The following TEX11 variants were observed in gnomAD, a reference collection of about 807,000 sequenced individuals.
TEX11 encodes the protein testis-expressed protein 11.
In TEX11, 7 loss-of-function variants were observed where a neutral mutation model predicts 84.4. That is an observed-to-expected ratio of 0.08 (90% CI 0.05 to 0.16). The LOEUF (loss-of-function observed/expected upper bound fraction) is 0.16, where lower values mean the gene tolerates loss of function less well. TEX11 is among the 10% of genes least tolerant of loss of function. The probability of loss-of-function intolerance (pLI) is 1.00; values close to 1 mark genes in which losing one functional copy is unlikely to be tolerated. For synonymous variants in TEX11, 264 were observed against 222.8 expected, an observed-to-expected ratio of 1.18 and a Z score of -1.64; for missense variants, 551 against 660.5, an observed-to-expected ratio of 0.83 and a Z score of 1.82.
chrX:70,783,924 T>C (rs889363192), intron 9 of TEX11, among the ~76,000 whole-genome samples: 2 of 111,802 alleles, frequency 1.8e-5, no homozygotes, highest in African/African-American at 3.3e-5. Flanking sequence ...CCATTCCTTC[T>C]GAAACTATTC....
At chrX:70,569,026 G>A (rs773372856) in intron 25 of TEX11, among the ~76,000 whole-genome samples, 92 of 111,769 alleles carry the variant, frequency 8.2e-4, no homozygotes, top group African/African-American at 2.8e-3. Context: ...CATTCTCCCC[G>A]TCACCTTCAG....
At chrX:70,710,544 A>ATT (rs79913206) in intron 13 of TEX11, among the ~76,000 whole-genome samples, 72 of 98,377 alleles carry the variant, frequency 7.3e-4, no homozygotes, top group African/African-American at 2.6e-3. Flanking sequence ...AAAAGTTCTC[A>ATT]TTTTTTTTTT....
intron 10 of TEX11, among the ~76,000 whole-genome samples, chrX:70,742,962 T>A (rs2090743476): frequency 9.0e-6 from 1 of 111,502 alleles, no homozygotes; most frequent in Non-Finnish European, 1.9e-5. Flanking sequence ...CACACTCTTG[T>A]GCAATCATTA....
intron 18 of TEX11, among the ~76,000 whole-genome samples, chrX:70,626,184 T>C (rs1603161026): frequency 9.0e-6 from 1 of 111,410 alleles, no homozygotes; most frequent in South Asian, 3.9e-4. Context: ...TTACTAACAA[T>C]TGCAATCATT....
chrX:70,805,384 A>G (rs1602142308), intron 9 of TEX11, among the ~76,000 whole-genome samples: 1 of 107,769 alleles, frequency 9.3e-6, no homozygotes, highest in East Asian at 2.9e-4. Flanking sequence ...GATATATTTT[A>G]CTCCATGATC....
intron 25 of TEX11, among the ~76,000 whole-genome samples, chrX:70,570,132 C>T (rs776157853): frequency 1.1e-3 from 124 of 111,833 alleles, no homozygotes; most frequent in African/African-American, 3.7e-3. Flanking sequence ...CCCCCGGCCT[C>T]GCTGCCGCCT....
At chrX:70,616,036 T>C (rs1251978522) in intron 20 of TEX11, among the ~76,000 whole-genome samples, 1 of 110,781 alleles carries the variant, frequency 9.0e-6, no homozygotes, top group Non-Finnish European at 1.9e-5. Flanking sequence ...TTAAAGGGAG[T>C]ACTTTAATCA....
chrX:70,513,788 C>A, the TEX11 span, among the ~76,000 whole-genome samples: 15 of 108,051 alleles, frequency 1.4e-4, 1 homozygote, highest in African/African-American at 5.2e-4. Context: ...TACCGAGAGC[C>A]GTGTTGATCT....
chrX:70,900,395 A>AAAAGAAG (rs1556245995), intron 2 of TEX11, among the ~76,000 whole-genome samples: 4 of 60,078 alleles, frequency 6.7e-5, no homozygotes, highest in African/African-American at 1.1e-4. Context: ...AAAAAAAAAA[A>AAAAGAAG]AAGAAGAAGA....
At chrX:70,761,250 C>G (rs1369280063) in intron 9 of TEX11, among the ~76,000 whole-genome samples, 1 of 111,786 alleles carries the variant, frequency 8.9e-6, no homozygotes, top group Non-Finnish European at 1.9e-5. Flanking sequence ...CCCAGCCATC[C>G]CATTAGTGGG....
At chrX:70,528,442 C>T (rs2087843286), downstream of TEX11, among the ~76,000 whole-genome samples, 2 of 110,269 alleles carry the variant, frequency 1.8e-5, no homozygotes, top group Admixed American at 1.9e-4. Context: ...CTCAGCCTCC[C>T]GAGTAGCTGG....
downstream of TEX11, among the ~76,000 whole-genome samples, chrX:70,528,425 C>G (rs2087843033): frequency 9.0e-6 from 1 of 110,947 alleles, no homozygotes; most frequent in Non-Finnish European, 1.9e-5. Context: ...TCAAACGATT[C>G]TCCTGCCTCA....
intron 13 of TEX11, among the ~76,000 whole-genome samples, chrX:70,699,776 T>C (rs2090311078): frequency 1.8e-5 from 2 of 111,437 alleles, no homozygotes; most frequent in African/African-American, 6.5e-5. Flanking sequence ...TCTAATAGAT[T>C]GTTGCTTGAG....
At chrX:70,677,230 C>A (rs1022408840) in intron 15 of TEX11, among the ~76,000 whole-genome samples, 3 of 111,748 alleles carry the variant, frequency 2.7e-5, no homozygotes, top group African/African-American at 9.8e-5. Flanking sequence ...TCCTTTCACA[C>A]CATAGGTTTA....
At chrX:70,625,095 C>T (rs1359785609) in intron 18 of TEX11, among the ~76,000 whole-genome samples, 171 bp from the exon 19 acceptor site, 1 of 111,443 alleles carries the variant, frequency 9.0e-6, no homozygotes, top group Non-Finnish European at 1.9e-5. Flanking sequence ...CTGACAAAAA[C>T]AGGACACATT....
chrX:70,801,717 C>G (rs767936216), intron 9 of TEX11, among the ~76,000 whole-genome samples: 1 of 101,320 alleles, frequency 9.9e-6, no homozygotes, highest in African/African-American at 3.7e-5. Context: ...ATCTAGTGTA[C>G]AGCTTGGTAA....
chrX:70,678,231 C>A (rs2090091256), intron 15 of TEX11, among the ~76,000 whole-genome samples: 1 of 110,137 alleles, frequency 9.1e-6, no homozygotes, highest in Non-Finnish European at 1.9e-5. Context: ...TGGAGAGGGG[C>A]TTGTTGTTCA....
chrX:70,840,421 G>A (rs779339391), intron 7 of TEX11, among the ~76,000 whole-genome samples: 2,409 of 111,170 alleles, frequency 0.022, 65 homozygotes, highest in African/African-American at 0.075. Context: ...TTACAGACAA[G>A]CAAATGCTGA....
the TEX11 span, among the ~76,000 whole-genome samples, chrX:70,519,335 T>A: frequency 8.9e-6 from 1 of 111,969 alleles, no homozygotes; most frequent in South Asian, 3.8e-4. Flanking sequence ...CAGCATTTGT[T>A]TGTGTGTAAA....
Sources: allele counts gnomAD v4.1 joint callset (sites outside exome capture counted in the v4.1 genomes callset), GRCh38; gene constraint gnomAD v4.1.1; transcripts MANE v1.5; gene names NCBI Gene and HGNC (gene_info 2026-07-23, HGNC 2026-07-21).